The following FER variants were observed in gnomAD, a reference collection of about 807,000 sequenced individuals.
The protein encoded by FER is tyrosine-protein kinase Fer.
FER carries 63 observed loss-of-function variants against 111.0 expected under a neutral mutation model. The ratio of observed to expected loss-of-function variants is 0.57; its 90% CI spans 0.46 to 0.70. The LOEUF (loss-of-function observed/expected upper bound fraction) is 0.70, where lower values mean the gene tolerates loss of function less well. Among genes scored for constraint, FER ranks in the 30% least tolerant of loss-of-function variants. The pLI, the probability that FER is intolerant of heterozygous loss-of-function variation, is 0.00. For synonymous variants in FER, 327 were observed against 313.9 expected (o/e 1.04, Z -0.44); for missense variants, 914 against 954.0 (o/e 0.96, Z 0.55).
At chr5:108,973,588 C>T (rs539918562) in intron 13 of FER, among the ~76,000 whole-genome samples, 1 of 152,060 alleles carries the variant, frequency 6.6e-6, no homozygotes, top group African/African-American at 2.4e-5. Context: ...AAATTACAAT[C>T]TTGTGGACAT....
At chr5:108,993,802 A>G (rs1219406665) in intron 13 of FER, among the ~76,000 whole-genome samples, 1 of 152,142 alleles carries the variant, frequency 6.6e-6, no homozygotes, top group Non-Finnish European at 1.5e-5. Context: ...GTTGTGTCTT[A>G]ACTTTTGATA....
chr5:108,879,090 G>T (rs115042476), intron 8 of FER, among the ~76,000 whole-genome samples: 1,571 of 152,052 alleles, frequency 0.01, 25 homozygotes, highest in African/African-American at 0.036. Context: ...TTAAAACTAT[G>T]CTTGGCACTC....
intron 5 of FER, among the ~76,000 whole-genome samples, chr5:108,839,988 A>G (rs1462711927): frequency 6.6e-6 from 1 of 152,072 alleles, no homozygotes; most frequent in African/African-American, 2.4e-5. Flanking sequence ...GCAGCCTCTC[A>G]TTTTATTTTT....
rs1216746057 is a variant in FER, at chr5:109,195,489, CA to C, written c.*7916del. 1 of 152,134 alleles carries C rather than the reference CA, an allele frequency of 6.6e-6. No individual in the cohort carries two copies. The highest frequency in any genetic ancestry group is 1.5e-5 in the Non-Finnish European group (1 of 68,024). The allele number at this position is 152,134 out of a possible 1,614,324, so 9.4% of individuals were successfully genotyped here. A position where few individuals can be genotyped will look rare whatever the true frequency, so the allele number is the denominator to read the frequency against. On this transcript the variant is annotated 3_prime_UTR_variant, in exon 20 of 20. Transcript: ENST00000281092. The stretch of plus-strand genomic sequence containing the variant: ...ACAAGGTTCATCTGATTTCCCATAA[CA>C]AGTAAATTTTATAATCCTATGATTC...
intron 3 of FER, among the ~76,000 whole-genome samples, chr5:108,827,456 A>G (rs1000709332): frequency 6.6e-6 from 1 of 152,148 alleles, no homozygotes; most frequent in Admixed American, 6.5e-5. Flanking sequence ...CATTTCTTCC[A>G]TTCTTTAGTA....
intron 14 of FER, among the ~76,000 whole-genome samples, chr5:109,044,271 C>T (rs544520808): frequency 9.9e-5 from 15 of 151,774 alleles, no homozygotes; most frequent in African/African-American, 2.7e-4. Flanking sequence ...CCCTGCCTCC[C>T]GGGTTCATGC....
At chr5:108,854,515 A>C (rs1561517405) in intron 5 of FER, among the ~76,000 whole-genome samples, 1 of 152,240 alleles carries the variant, frequency 6.6e-6, no homozygotes, top group Non-Finnish European at 1.5e-5. Flanking sequence ...GCTGCTCTGC[A>C]CATGGCATGC....
At chr5:109,042,413 G>A (rs761818279) in intron 14 of FER, among the ~76,000 whole-genome samples, 5 of 152,134 alleles carry the variant, frequency 3.3e-5, no homozygotes, top group Non-Finnish European at 7.4e-5. Flanking sequence ...AATGATGATT[G>A]AATGATACAG....
chr5:108,801,776 A>C (rs1756678544), intron 3 of FER, among the ~76,000 whole-genome samples: 1 of 152,108 alleles, frequency 6.6e-6, no homozygotes, highest in South Asian at 2.1e-4. Flanking sequence ...CCTTCACCCA[A>C]AGGAGACACT....
chr5:109,115,579 T>C (rs966213200), intron 17 of FER, among the ~76,000 whole-genome samples: 3 of 152,278 alleles, frequency 2.0e-5, no homozygotes, highest in African/African-American at 7.2e-5. Context: ...ATTATGTAAA[T>C]AGTTCAAGTT....
At chr5:109,171,889 A>G (rs1163553953) in intron 17 of FER, among the ~76,000 whole-genome samples, 5 of 152,182 alleles carry the variant, frequency 3.3e-5, no homozygotes, top group Admixed American at 3.3e-4. Flanking sequence ...TGATATGTTC[A>G]TCATCACTGG....
intron 2 of FER, among the ~76,000 whole-genome samples, chr5:108,793,755 T>C (rs1443043889): frequency 1.3e-5 from 2 of 151,502 alleles, no homozygotes; most frequent in Admixed American, 1.3e-4. Flanking sequence ...ATTTTCTTTG[T>C]TAGTATGACT....
At chr5:108,825,042 C>T (rs922780534) in intron 3 of FER, among the ~76,000 whole-genome samples, 1 of 152,048 alleles carries the variant, frequency 6.6e-6, no homozygotes, top group Non-Finnish European at 1.5e-5. Context: ...AAGTACTTAA[C>T]AGGGTAATAG....
chr5:109,103,020 T>A (rs1304225245), intron 17 of FER, among the ~76,000 whole-genome samples: 2 of 152,026 alleles, frequency 1.3e-5, no homozygotes, highest in Admixed American at 6.6e-5. Flanking sequence ...AGAAAAAAAA[T>A]ATAGGATTTA....
At chr5:108,798,636 C>G (rs2150045805) in intron 3 of FER, among the ~76,000 whole-genome samples, 1 of 152,200 alleles carries the variant, frequency 6.6e-6, no homozygotes, top group South Asian at 2.1e-4. Flanking sequence ...TCACTTTAGC[C>G]TAGGAGTTTG....
chr5:108,883,605 C>A, intron 9 of FER, 87 bp downstream of exon 9: 1 of 1,156,684 alleles, frequency 8.6e-7, no homozygotes, highest in Non-Finnish European at 1.2e-6. Context: ...GTGAACCTAA[C>A]ATTTCTAGAA....
chr5:109,017,770 C>T (rs1581670583), intron 13 of FER, among the ~76,000 whole-genome samples: 2 of 151,970 alleles, frequency 1.3e-5, no homozygotes, highest in South Asian at 2.1e-4. Context: ...AATCCAACAA[C>T]TCAGGTTAGA....
intron 17 of FER, among the ~76,000 whole-genome samples, chr5:109,146,271 T>TATATATATTATCTATCTA (rs1754182659): frequency 1.8e-5 from 1 of 55,022 alleles, no homozygotes; most frequent in African/African-American, 7.2e-5. Context: ...TATATATATA[T>TATATATATTATCTATCTA]ATATATATAT....
chr5:109,116,369 A>G (rs17450449), intron 17 of FER, among the ~76,000 whole-genome samples: 3,019 of 151,636 alleles, frequency 0.02, 40 homozygotes, highest in Middle Eastern at 0.034. Context: ...CTGTTGCTTC[A>G]TAGATTTTCT....
Sources: gnomAD v4.1 joint callset for allele counts (sites outside exome capture counted in the v4.1 genomes callset) on GRCh38, gnomAD v4.1.1 for gene constraint, MANE v1.5 for transcripts, NCBI Gene and HGNC (gene_info 2026-07-23, HGNC 2026-07-21) for gene names.